The following NRK variants were observed in gnomAD, a reference collection of about 807,000 sequenced individuals.
NRK encodes the protein Nik related kinase, also known as nik-related protein kinase.
NRK carries 67 observed loss-of-function variants against 125.2 expected under a neutral mutation model. The observed-to-expected ratio is 0.54, with a 90% CI of 0.44 to 0.66. The LOEUF is 0.66. Ranked by LOEUF, NRK falls within the 30% of genes least tolerant of loss-of-function variation. NRK has a pLI of 0.00. For missense variants in NRK, 1,224 were observed against 1,192.9 expected (o/e 1.03, Z -0.38); for synonymous variants, 458 against 429.0 (o/e 1.07, Z -0.84).
intron 16 of NRK, among the ~76,000 whole-genome samples, chrX:105,921,388 G>A (rs1214583937): frequency 9.4e-6 from 1 of 106,235 alleles, no homozygotes. Context: ...ACTAGATGAC[G>A]AGTTAGTGGG....
chrX:105,878,762 T>A (rs1301897856), intron 2 of NRK, among the ~76,000 whole-genome samples: 1 of 111,294 alleles, frequency 9.0e-6, no homozygotes, highest in Non-Finnish European at 1.9e-5. Flanking sequence ...CTCACCCAAT[T>A]CTGGACATTT....
intron 9 of NRK, 125 bp from the exon 10 acceptor site, chrX:105,905,140 A>G: frequency 2.1e-6 from 1 of 478,526 alleles, no homozygotes; most frequent in East Asian, 3.7e-5. Flanking sequence ...TTTTGTATCT[A>G]TTTGTCCCTT....
intron 22 of NRK, among the ~76,000 whole-genome samples, chrX:105,938,085 T>C (rs2040688731): frequency 8.9e-6 from 1 of 111,854 alleles, no homozygotes. Context: ...TTAAATTTCT[T>C]AGTTTTGGTC....
chrX:105,904,191 G>A (rs34540637), intron 9 of NRK, among the ~76,000 whole-genome samples: 7 of 111,853 alleles, frequency 6.3e-5, no homozygotes, highest in African/African-American at 1.3e-4. Context: ...CACTTGTAAT[G>A]TTAGATGAAA....
intron 16 of NRK, among the ~76,000 whole-genome samples, chrX:105,921,091 A>G (rs1472942591): frequency 1.0e-5 from 1 of 99,485 alleles, no homozygotes; most frequent in Non-Finnish European, 2.0e-5. Context: ...CAAATGTCCA[A>G]CAATGATAGA....
rs932867103 is a variant in NRK, at chrX:105,956,442, A to T, written c.*842A>T. The T allele has an allele frequency of 2.7e-5, 3 of 112,079 alleles. No individual in the cohort carries two copies. The highest frequency in any genetic ancestry group is 9.8e-5 in the African/African-American group (3 of 30,761). The allele number at this position is 112,079 out of a possible 1,213,427, so 9.2% of individuals were successfully genotyped here. ...TCAAATTCTACTCCCCAAAGCAGAG[A>T]TAGATTGATTTATCAAAATTATTAT... On this transcript the variant is annotated 3_prime_UTR_variant, in exon 29 of 29. Coordinates refer to ENST00000243300, the MANE Select transcript of NRK (RefSeq NM_198465.4).
chrX:105,839,872 G>T (rs1417234274), intron 2 of NRK, among the ~76,000 whole-genome samples: 2 of 111,356 alleles, frequency 1.8e-5, no homozygotes, highest in African/African-American at 6.5e-5. Flanking sequence ...TTGGGACATA[G>T]TTTTTTTGTT....
chrX:105,935,372 C>G, intron 21 of NRK, 47 bp downstream of exon 21: 1 of 872,355 alleles, frequency 1.1e-6, no homozygotes, highest in Non-Finnish European at 1.6e-6. Flanking sequence ...ATGTAGCAAA[C>G]CTGTGAAAAT....
intron 16 of NRK, among the ~76,000 whole-genome samples, chrX:105,920,073 A>G (rs1337730110): frequency 5.7e-5 from 6 of 105,708 alleles, no homozygotes; most frequent in African/African-American, 2.1e-4. Context: ...TTTTTGTATA[A>G]GGTGAAAGGA....
At position 105,956,130 on chromosome X, in the gene NRK, C is replaced by A. The variant is rs766323613; in HGVS notation, c.*530C>A. On this transcript the variant is annotated 3_prime_UTR_variant, in exon 29 of 29. Transcript: ENST00000243300. ...CCTGCATGCCCAGAGAAAACTATGGCGACAAAGGGGAAAAGGCCACCACTC... is the reference window on the plus strand; with the variant it reads ...CCTGCATGCCCAGAGAAAACTATGGAGACAAAGGGGAAAAGGCCACCACTC... The A allele has an allele frequency of 9.0e-6, 1 of 111,464 alleles. No homozygotes were observed. Among genetic ancestry groups the A allele is most frequent in the East Asian group, 2.8e-4 (1 of 3,532 alleles). The allele number at this position is 111,464 out of a possible 1,213,427, so 9.2% of individuals were successfully genotyped here.
chrX:105,869,909 A>G (rs1399729043), intron 2 of NRK, among the ~76,000 whole-genome samples: 1 of 109,494 alleles, frequency 9.1e-6, no homozygotes, highest in Admixed American at 9.6e-5. Context: ...TAAAGAAAGC[A>G]ATCTGTGTTA....
At chrX:105,929,293 TAA>T (rs1275018854) in intron 19 of NRK, among the ~76,000 whole-genome samples, 1 of 111,787 alleles carries the variant, frequency 8.9e-6, no homozygotes, top group African/African-American at 3.2e-5. Flanking sequence ...TTATCTGATA[TAA>T]GTGTAGCTAT....
chrX:105,911,356 G>C (rs1482110206), intron 13 of NRK, among the ~76,000 whole-genome samples: 2 of 111,759 alleles, frequency 1.8e-5, no homozygotes, highest in East Asian at 5.6e-4. Context: ...TAGGGGAGCA[G>C]TTGTTTTCTA....
At chrX:105,905,798 C>G (rs1344066020) in intron 10 of NRK, among the ~76,000 whole-genome samples, 1 of 112,138 alleles carries the variant, frequency 8.9e-6, no homozygotes, top group Non-Finnish European at 1.9e-5. Context: ...GCTTGTTGAT[C>G]TTGTACCTGA....
rs1342001618 is a variant in NRK at position 105,911,232 on chromosome X, T to C, written c.2241+1350T>C. Among the ~76,000 whole-genome samples the C allele has an allele frequency of 4.5e-5, 5 of 112,211 alleles. No homozygotes were observed. In the Admixed American group the frequency reaches 4.8e-4, roughly 11 times the overall value. On this transcript the variant is annotated intron_variant, in intron 13 of 28. Transcript: ENST00000243300. ...TAAAACGTAATTGTTTCAAAAATCC[T>C]TTAATAAAAAGTGAATATAATTTTA...
chrX:105,822,752 T>G lies in NRK; in HGVS notation c.-94T>G, dbSNP rs2039037868. On this transcript the variant is annotated 5_prime_UTR_variant, in exon 1 of 29. Coordinates refer to ENST00000243300, the MANE Select transcript of NRK (RefSeq NM_198465.4). ...GACTCCTCTCTCCCGCCCTCCTCCTTCCTCTCTCCTCCCTTCAACTCTTCA... is the reference window on the plus strand; with the variant it reads ...GACTCCTCTCTCCCGCCCTCCTCCTGCCTCTCTCCTCCCTTCAACTCTTCA... 1.2e-6 allele frequency: 1 copy of G among 847,199 alleles called. No homozygotes were observed. The highest frequency in any genetic ancestry group is 1.7e-6 in the Non-Finnish European group (1 of 580,584). The allele number at this position is 847,199 out of a possible 1,213,427, so 69.8% of individuals were successfully genotyped here. A position where few individuals can be genotyped will look rare whatever the true frequency, so the allele number is the denominator to read the frequency against.
At chrX:105,866,176 C>T (rs1200341413) in intron 2 of NRK, among the ~76,000 whole-genome samples, 3 of 110,772 alleles carry the variant, frequency 2.7e-5, no homozygotes, top group Non-Finnish European at 3.8e-5. Context: ...ATTAGAATAT[C>T]AGAACTTCTG....
chrX:105,841,528 A>G (rs2039331810), intron 2 of NRK, among the ~76,000 whole-genome samples: 1 of 111,586 alleles, frequency 9.0e-6, no homozygotes, highest in Non-Finnish European at 1.9e-5. Flanking sequence ...CTTCTTAGCC[A>G]GAGTCCCTTT....
chrX:105,941,681 A>G (rs1188777322), intron 23 of NRK, among the ~76,000 whole-genome samples: 1 of 110,711 alleles, frequency 9.0e-6, no homozygotes, highest in Admixed American at 9.7e-5. Context: ...CATATTCCAT[A>G]AGAACCAGAA....
Sources: gnomAD v4.1 joint callset for allele counts (sites outside exome capture counted in the v4.1 genomes callset) on GRCh38, gnomAD v4.1.1 for gene constraint, MANE v1.5 for transcripts, NCBI Gene and HGNC (gene_info 2026-07-23, HGNC 2026-07-21) for gene names.